Variants in MUC3A observed in about 807,000 individuals in gnomAD.
MUC3A encodes mucin 3A, cell surface associated.
Under a neutral mutation model 109.0 loss-of-function variants are expected in MUC3A, and 109 were observed. The observed-to-expected ratio is 1.00, with a 90% CI of 0.86 to 1.17. The LOEUF is 1.17. MUC3A is among the 50% of genes most tolerant of loss of function. The pLI, the probability that MUC3A is intolerant of heterozygous loss-of-function variation, is 0.00. For synonymous variants in MUC3A, 1,398 were observed against 981.4 expected, an observed-to-expected ratio of 1.42 and a Z score of -7.93; for missense variants, 3,537 against 2,469.4, an observed-to-expected ratio of 1.43 and a Z score of -9.16.
Position 100,963,686 on chromosome 7 carries a change from A to G in MUC3A, c.9169-2A>G. On this transcript the variant is annotated splice_acceptor_variant, in intron 4 of 11. Transcript: ENST00000379458. LOFTEE classifies it high-confidence loss of function. ...TGAGCCCAGGGATCCTTGGTGTTTCAGATGCAGAAGATTTTTGCAGACATG... is the reference window on the plus strand; with the variant it reads ...TGAGCCCAGGGATCCTTGGTGTTTCGGATGCAGAAGATTTTTGCAGACATG... 1 of 1,598,468 alleles carries G rather than the reference A, an allele frequency of 6.3e-7. No homozygotes were observed. Among genetic ancestry groups the G allele is most frequent in the Non-Finnish European group, 8.5e-7 (1 of 1,179,764 alleles).
intron 6 of MUC3A, 154 bp downstream of exon 6, chr7:100,964,997 G>A: frequency 7.9e-7 from 1 of 1,269,688 alleles, no homozygotes; most frequent in East Asian, 2.5e-5. Context: ...GGTGTCAAGG[G>A]TGGGGCTAGG....
chr7:100,961,780 A>C (rs892915680), intron 3 of MUC3A, among the ~76,000 whole-genome samples: 1 of 152,308 alleles, frequency 6.6e-6, no homozygotes, highest in Non-Finnish European at 1.5e-5. Context: ...GCCACTGCAC[A>C]CTAGCGTAGA....
chr7:100,965,216 G>A lies in MUC3A; in HGVS notation c.9383-66G>A, dbSNP rs79638688. 6 of 1,576,064 alleles carry A rather than the reference G, an allele frequency of 3.8e-6. No individual in the cohort carries two copies. In the Middle Eastern group the frequency reaches 5.0e-4, roughly 130 times the overall value. On this transcript the variant is annotated intron_variant, in intron 6 of 11. Transcript: ENST00000379458. ...CCCTGTGCCTATCCTGCCTCCTGGCGCTAACCCCTTGACCTTAACCCCTTG... is the reference window on the plus strand; with the variant it reads ...CCCTGTGCCTATCCTGCCTCCTGGCACTAACCCCTTGACCTTAACCCCTTG...
At position 100,960,194 on chromosome 7, in the gene MUC3A, C is replaced by A. The variant is rs1207592486; in HGVS notation, c.8415C>A (p.Val2805=). Reference sequence around the variant, plus strand: ...CTCCTCCCACCACCCCATTAACAGTCTTTCCCTTTACTACCGAAATGGTCA... The same window carrying A: ...CTCCTCCCACCACCCCATTAACAGTATTTCCCTTTACTACCGAAATGGTCA... ...ATSPPTTPLT[V]FPFTTEMVTC... is the part of the protein sequence containing the mutation. The change falls in exon 2 of 12, where the codon GTC becomes GTA. Residue 2805 remains valine (V), a synonymous_variant. Transcript: ENST00000379458. The A allele has an allele frequency of 8.8e-6, 14 of 1,591,576 alleles. No homozygotes were observed. Among genetic ancestry groups the A allele is most frequent in the African/African-American group, 1.3e-5 (1 of 74,890 alleles).
chr7:100,966,842 T>G (rs1328762785), intron 10 of MUC3A, 57 bp from the exon 11 acceptor site: 1 of 1,598,262 alleles, frequency 6.3e-7, no homozygotes, highest in Non-Finnish European at 8.5e-7. Flanking sequence ...TCCGTCCCCC[T>G]CTCCCTTCCG....
chr7:100,954,237 A>G lies in MUC3A; in HGVS notation c.2458A>G (p.Thr820Ala), dbSNP rs1204319313. ...ISSTVSTGIP[T>A]SQPTTITPSS... ...ATCTACTGTGAGTACAGGTATCCCT[A>G]CCTCACAACCAACAACCATCACTCC... Residue 820 changes from threonine to alanine, a missense_variant, in exon 2 of 12, where the codon ACC becomes GCC. Coordinates refer to ENST00000379458, the MANE Select transcript of MUC3A (RefSeq NM_005960.2). 2.2e-5 allele frequency: 10 copies of G among 463,070 alleles called. No homozygotes were observed. The highest frequency in any genetic ancestry group is 1.2e-4 in the Admixed American group (3 of 25,544). 28.7% of individuals were successfully genotyped at this position (463,070 alleles called of 1,614,324 possible). A position where few individuals can be genotyped will look rare whatever the true frequency, so the allele number is the denominator to read the frequency against.
At chr7:100,964,506 C>G in intron 5 of MUC3A, 189 bp from the exon 6 acceptor site, 1 of 893,376 alleles carries the variant, frequency 1.1e-6, no homozygotes, top group Non-Finnish European at 1.6e-6. Flanking sequence ...CATTCCTTGT[C>G]CTGCCTTCCC....
chr7:100,966,512 C>A lies in MUC3A; in HGVS notation c.9738C>A (p.Gly3246=), dbSNP rs587596181. Residue 3246 remains glycine, a synonymous_variant, in exon 9 of 12, where the codon GGC becomes GGA. Transcript: ENST00000379458. ...ALLVLLLLAL[G]VRAVRSGWWG... ...TGGTGCTGCTGCTGCTGGCGCTGGG[C>A]GTCCGGGCGGTGCGCTCCGGATGGT... 3.7e-5 allele frequency: 48 copies of A among 1,302,378 alleles called. No individual in the cohort carries two copies. In the African/African-American group the frequency reaches 6.7e-4, roughly 18 times the overall value. The allele number at this position is 1,302,378 out of a possible 1,614,324, so 80.7% of individuals were successfully genotyped here.
chr7:100,963,583 C>T (rs1315694679), intron 4 of MUC3A, 105 bp from the exon 5 acceptor site: 3 of 1,555,126 alleles, frequency 1.9e-6, no homozygotes, highest in Non-Finnish European at 2.6e-6. Context: ...CGGCACCCGG[C>T]CGGGGAGGGG....
In MUC3A at chr7:100,958,780, C is replaced by A. The variant is rs1792189361; in HGVS notation, c.7001C>A (p.Thr2334Asn). ...FTSSITTTETTSHNTRSFTSS... is the reference protein window; with the variant it reads ...FTSSITTTETNSHNTRSFTSS... ...TCTTCGATCACCACCACCGAGACCA[C>A]CTCACACAATACTCGCAGCTTCACT... Residue 2334 changes from threonine to asparagine, a missense_variant, in exon 2 of 12, where the codon ACC becomes AAC. By Grantham distance (65) the Thr-to-Asn change is moderately conservative. Coordinates refer to ENST00000379458, the MANE Select transcript of MUC3A (RefSeq NM_005960.2). The A allele has an allele frequency of 7.9e-7, 1 of 1,269,194 alleles. No individual in the cohort carries two copies. Among genetic ancestry groups the A allele is most frequent in the Middle Eastern group, 2.1e-4 (1 of 4,862 alleles). 78.6% of individuals were successfully genotyped at this position (1,269,194 alleles called of 1,614,324 possible).
chr7:100,956,089 C>G lies in MUC3A; in HGVS notation c.4310C>G (p.Thr1437Arg), dbSNP rs1277291730. Residue 1437 changes from threonine to arginine, a missense_variant, in exon 2 of 12, where the codon ACA becomes AGA. Coordinates refer to ENST00000379458, the MANE Select transcript of MUC3A (RefSeq NM_005960.2). ...PSTEVTTSHT[T>R]NTNPVSTLVT... ...ACAGAGGTGACCACCAGTCATACCA[C>G]AAACACCAATCCTGTATCCACGTTG... 1 of 438,516 alleles carries G rather than the reference C, an allele frequency of 2.3e-6. No individual in the cohort carries two copies. Among genetic ancestry groups the G allele is most frequent in the Non-Finnish European group, 4.0e-6 (1 of 250,616 alleles). The allele number at this position is 438,516 out of a possible 1,614,324, so 27.2% of individuals were successfully genotyped here. A position where few individuals can be genotyped will look rare whatever the true frequency, so the allele number is the denominator to read the frequency against.
Position 100,954,407 on chromosome 7 carries a change from C to A in MUC3A, c.2628C>A (p.Ser876Arg). 2.5e-6 allele frequency: 1 copy of A among 400,808 alleles called. No individual in the cohort carries two copies. The highest frequency in any genetic ancestry group is 4.4e-6 in the Non-Finnish European group (1 of 227,630). 24.8% of individuals were successfully genotyped at this position (400,808 alleles called of 1,614,324 possible). A position where few individuals can be genotyped will look rare whatever the true frequency, so the allele number is the denominator to read the frequency against. Residue 876 changes from serine (S) to arginine (R), a missense_variant, in exon 2 of 12, where the codon AGC (serine) becomes AGA (arginine). Coordinates refer to ENST00000379458, the MANE Select transcript of MUC3A (RefSeq NM_005960.2). ...ATACAGAAATCTCAATCTCTGTTAG[C>A]ATGACGTCTGCTACCACTCCCAGTG... ...VQNTEISISV[S>R]MTSATTPSGG...
intron 8 of MUC3A, 140 bp from the exon 9 acceptor site, chr7:100,966,246 C>T: frequency 1.7e-6 from 1 of 604,538 alleles, no homozygotes; most frequent in Non-Finnish European, 2.3e-6. Context: ...AGGGTGGATT[C>T]CCAGCCCCTT....
rs749356174 is a variant in MUC3A at position 100,958,678 on chromosome 7, C to T, written c.6899C>T (p.Thr2300Ile). Residue 2300 changes from threonine to isoleucine, a missense_variant, in exon 2 of 12, where the codon ACC becomes ATC. Transcript: ENST00000379458. ...STSLITTTKT[T>I]SHSTPSFTSS... ...TCTTTAATCACCACCACCAAGACCA[C>T]CTCACACAGTACTCCCAGCTTCACT... The T allele has an allele frequency of 1.3e-6, 2 of 1,582,594 alleles. No individual in the cohort carries two copies. The highest frequency in any genetic ancestry group is 1.7e-6 in the Non-Finnish European group (2 of 1,169,932).
Position 100,963,082 on chromosome 7 carries a change from G to T in MUC3A, c.9053-69G>T, listed in dbSNP as rs138778489. 1,543 of 1,536,020 alleles carry T rather than the reference G, an allele frequency of 1.0e-3. No individual in the cohort carries two copies. The African/African-American group carries it at 0.018, about 18-fold the overall frequency. On this transcript the variant is annotated intron_variant, in intron 3 of 11. Coordinates refer to ENST00000379458, the MANE Select transcript of MUC3A (RefSeq NM_005960.2). The stretch of plus-strand genomic sequence containing the variant: ...CAGCAGGAGGAGCCTGTGGGTTGGG[G>T]TGGTGGTGTTGGTGGCTTCAGACAA...
chr7:100,965,962 G>A, intron 8 of MUC3A, 96 bp downstream of exon 8: 1 of 1,472,116 alleles, frequency 6.8e-7, no homozygotes. Context: ...CGCGCCCTGG[G>A]CCTACAGTGG....
At position 100,967,525 on chromosome 7, in the gene MUC3A, C is replaced by G; in HGVS notation, c.*363C>G. 2.0e-6 allele frequency: 1 copy of G among 496,088 alleles called. No homozygotes were observed. The highest frequency in any genetic ancestry group is 3.6e-6 in the Non-Finnish European group (1 of 279,572). The allele number at this position is 496,088 out of a possible 1,614,324, so 30.7% of individuals were successfully genotyped here. On this transcript the variant is annotated 3_prime_UTR_variant, in exon 12 of 12. Coordinates refer to ENST00000379458, the MANE Select transcript of MUC3A (RefSeq NM_005960.2). ...TACTCTGCCCTCCCGTCTCAGCCCT[C>G]GTGTTGCCATTGCCTCTCTCGGATC...
At chr7:100,966,002 C>T in intron 8 of MUC3A, 136 bp downstream of exon 8, 1 of 1,372,866 alleles carries the variant, frequency 7.3e-7, no homozygotes, top group Non-Finnish European at 9.6e-7. Context: ...CGCTCCAAGC[C>T]CATCCCCGTT....
rs1370324387 is a variant in MUC3A at position 100,960,271 on chromosome 7, C to T, written c.8492C>T (p.Thr2831Ile). 1.3e-6 allele frequency: 2 copies of T among 1,598,552 alleles called. No individual in the cohort carries two copies. Among genetic ancestry groups the T allele is most frequent in the Admixed American group, 3.3e-5 (2 of 60,034 alleles). The change falls in exon 2 of 12, where the codon ACT becomes ATT. Residue 2831 changes from threonine to isoleucine, a missense_variant. Transcript: ENST00000379458. ...IQTTLTTYMD[T>I]SSMMPESESS... Reference sequence around the variant, plus strand: ...ACTACTCTTACTACATATATGGACACTTCTTCCATGATGCCAGAAAGTGAG... The same window carrying T: ...ACTACTCTTACTACATATATGGACATTTCTTCCATGATGCCAGAAAGTGAG...
Sources: allele counts gnomAD v4.1 joint callset (sites outside exome capture counted in the v4.1 genomes callset), GRCh38; gene constraint gnomAD v4.1.1; transcripts MANE v1.5; gene names NCBI Gene and HGNC (gene_info 2026-07-23, HGNC 2026-07-21).